ZPLD1: variants seen among roughly 807,000 people sequenced by gnomAD.
The protein encoded by ZPLD1 is zona pellucida like domain containing 1, also known as zona pellucida-like domain-containing protein 1.
In ZPLD1, 34 loss-of-function variants were observed where a neutral mutation model predicts 47.2. That is an observed-to-expected ratio of 0.72 (90% CI 0.55 to 0.96). The LOEUF is 0.96. Among genes scored for constraint, ZPLD1 ranks in the 40% least tolerant of loss-of-function variants. The pLI is 0.00. For missense variants in ZPLD1, 512 were observed against 505.8 expected (o/e 1.01, Z -0.12); for synonymous variants, 176 against 186.2 (o/e 0.95, Z 0.45).
chr3:102,469,062 A>G lies in ZPLD1; in HGVS notation c.860A>G (p.Gln287Arg), dbSNP rs1467879600. Residue 287 changes from glutamine (Q) to arginine (R), a missense_variant, in exon 9 of 12, where the codon CAG (glutamine) becomes CGG (arginine). Gln to Arg is a conservative substitution (Grantham distance 43). Transcript: ENST00000466937. ...EVFRFVKHKN[Q>R]KMSTVFLHCV... is the part of the protein sequence containing the mutation. ...TTCCGATTTGTGAAACACAAGAATC[A>G]GAAAATGTCCACTGTCTTCTTGCAC... 6.2e-7 allele frequency: 1 copy of G among 1,614,218 alleles called. No individual in the cohort carries two copies. Among genetic ancestry groups the G allele is most frequent in the Non-Finnish European group, 8.5e-7 (1 of 1,180,024 alleles).
chr3:102,400,479 G>A (rs1327902766), intron 7 of ZPLD1, among the ~76,000 whole-genome samples: 2 of 151,970 alleles, frequency 1.3e-5, no homozygotes, highest in African/African-American at 2.4e-5. Flanking sequence ...TCTCTATGGG[G>A]ATAAGCCGGG....
At chr3:102,418,398 C>T (rs1374308569) in intron 8 of ZPLD1, among the ~76,000 whole-genome samples, 1 of 151,906 alleles carries the variant, frequency 6.6e-6, no homozygotes, top group Non-Finnish European at 1.5e-5. Flanking sequence ...TTAAATATAG[C>T]AAAAGGAGGT....
intron 7 of ZPLD1, among the ~76,000 whole-genome samples, chr3:102,401,746 G>T (rs1312229838): frequency 6.6e-6 from 1 of 152,022 alleles, no homozygotes; most frequent in Non-Finnish European, 1.5e-5. Context: ...TGTGTAGAAT[G>T]CTTAGTGCAG....
intron 8 of ZPLD1, among the ~76,000 whole-genome samples, chr3:102,425,504 C>T (rs1050460730): frequency 3.9e-5 from 6 of 152,132 alleles, no homozygotes; most frequent in African/African-American, 1.2e-4. Flanking sequence ...TGTCCCTGGT[C>T]CCAGCCTCAC....
chr3:102,431,107 A>G (rs1707010956), upstream of ZPLD1, among the ~76,000 whole-genome samples: 1 of 152,200 alleles, frequency 6.6e-6, no homozygotes, highest in Non-Finnish European at 1.5e-5. Context: ...AAATGTTCTA[A>G]ACTAAACACT....
chr3:102,404,202 G>A (rs1251228838), intron 7 of ZPLD1, among the ~76,000 whole-genome samples: 1 of 151,896 alleles, frequency 6.6e-6, no homozygotes, highest in African/African-American at 2.4e-5. Flanking sequence ...TCAGAGCCGA[G>A]AATTTATTGC....
At chr3:102,468,715 C>T (rs1175675531) in intron 8 of ZPLD1, among the ~76,000 whole-genome samples, 2 of 152,104 alleles carry the variant, frequency 1.3e-5, no homozygotes, top group African/African-American at 4.8e-5. Flanking sequence ...GATTTTTGAA[C>T]TACATGAAAG....
chr3:102,441,466 A>G (rs141060337), intron 3 of ZPLD1, among the ~76,000 whole-genome samples: 1 of 152,254 alleles, frequency 6.6e-6, no homozygotes, highest in Non-Finnish European at 1.5e-5. Flanking sequence ...TCTAATGTAC[A>G]TTTATGGTTA....
At chr3:102,472,295 G>A (rs558517346) in intron 10 of ZPLD1, among the ~76,000 whole-genome samples, 2 of 152,286 alleles carry the variant, frequency 1.3e-5, no homozygotes, top group Admixed American at 1.3e-4. Context: ...ACTTTGGGAG[G>A]CTGAGGGGGG....
rs1186572427 is a variant in ZPLD1, at chr3:102,478,449, T to C, written c.*831T>C. The C allele has an allele frequency of 2.4e-5, 1 of 42,092 alleles. No homozygotes were observed. The highest frequency in any genetic ancestry group is 7.9e-5 in the Non-Finnish European group (1 of 12,704). 2.6% of individuals were successfully genotyped at this position (42,092 alleles called of 1,614,324 possible). A position where few individuals can be genotyped will look rare whatever the true frequency, so the allele number is the denominator to read the frequency against. ...AAGATTATTTTTAATTCAAGAATCA[T>C]CACATGTGAAAACAAGCTGTAGTTG... On this transcript the variant is annotated 3_prime_UTR_variant, in exon 12 of 12. Transcript: ENST00000466937.
chr3:102,445,161 G>T (rs1206618469), intron 3 of ZPLD1, among the ~76,000 whole-genome samples: 1 of 152,188 alleles, frequency 6.6e-6, no homozygotes, highest in Non-Finnish European at 1.5e-5. Flanking sequence ...TTTACAGAAT[G>T]AGACAGAGAT....
At chr3:102,388,749 T>C (rs1706463234) in intron 6 of ZPLD1, among the ~76,000 whole-genome samples, 1 of 152,100 alleles carries the variant, frequency 6.6e-6, no homozygotes, top group Non-Finnish European at 1.5e-5. Flanking sequence ...TTTAGAGCAA[T>C]TGGGCAGGCA....
chr3:102,415,379 C>A (rs1454803272), intron 7 of ZPLD1, among the ~76,000 whole-genome samples: 2 of 151,608 alleles, frequency 1.3e-5, no homozygotes, highest in Non-Finnish European at 2.9e-5. Flanking sequence ...TATTTTCTGG[C>A]TGCTGGATTA....
At chr3:102,428,750 T>C (rs1271331065) in intron 8 of ZPLD1, among the ~76,000 whole-genome samples, 1 of 146,716 alleles carries the variant, frequency 6.8e-6, no homozygotes, top group African/African-American at 2.5e-5. Flanking sequence ...TGTGTGTGTG[T>C]ATATATATAT....
chr3:102,461,196 T>C (rs1240529249), intron 6 of ZPLD1, among the ~76,000 whole-genome samples: 1 of 152,032 alleles, frequency 6.6e-6, no homozygotes, highest in Non-Finnish European at 1.5e-5. Context: ...TTCCCAATGA[T>C]TTTAAGATTT....
At chr3:102,460,718 G>A (rs1707493223) in intron 6 of ZPLD1, among the ~76,000 whole-genome samples, 1 of 151,940 alleles carries the variant, frequency 6.6e-6, no homozygotes, top group African/African-American at 2.4e-5. Context: ...TTACCTCTTA[G>A]AAGCAATTCC....
upstream of ZPLD1, among the ~76,000 whole-genome samples, chr3:102,430,693 T>C (rs1707005917): frequency 6.6e-6 from 1 of 152,220 alleles, no homozygotes; most frequent in Non-Finnish European, 1.5e-5. Context: ...TACATTTGAA[T>C]ATCGGGGAGT....
In ZPLD1 at chr3:102,456,142, A is replaced by G. The variant is rs190308134; in HGVS notation, c.328-51A>G. The stretch of plus-strand genomic sequence containing the variant: ...GTTTTATTTTGCATATGAAGTGCCT[A>G]GATGTATATATAGCCATTTAATCAT... On this transcript the variant is annotated intron_variant, in intron 4 of 11. Coordinates refer to ENST00000466937, the MANE Select transcript of ZPLD1 (RefSeq NM_001329788.2). 22 of 1,481,234 alleles carry G rather than the reference A, an allele frequency of 1.5e-5. No individual in the cohort carries two copies. In the Admixed American group the frequency reaches 2.7e-4, roughly 18 times the overall value. 91.8% of individuals were successfully genotyped at this position (1,481,234 alleles called of 1,614,324 possible).
intron 3 of ZPLD1, among the ~76,000 whole-genome samples, chr3:102,442,055 T>A (rs1033456608): frequency 1.3e-5 from 2 of 152,126 alleles, no homozygotes; most frequent in African/African-American, 4.8e-5. Context: ...AAGACATTCC[T>A]GGGTCACAAA....
Sources: allele counts gnomAD v4.1 joint callset (sites outside exome capture counted in the v4.1 genomes callset), GRCh38; gene constraint gnomAD v4.1.1; transcripts MANE v1.5; gene names NCBI Gene and HGNC (gene_info 2026-07-23, HGNC 2026-07-21).